The following LRRC28 variants were observed in gnomAD, a reference collection of about 807,000 sequenced individuals.
LRRC28 encodes the protein leucine-rich repeat-containing protein 28.
A neutral mutation model predicts 45.7 loss-of-function variants in LRRC28; 39 were observed. That is an observed-to-expected ratio of 0.85 (90% CI 0.66 to 1.12). The LOEUF (loss-of-function observed/expected upper bound fraction) is 1.12, where lower values mean the gene tolerates loss of function less well. Among genes scored for constraint, LRRC28 ranks in the 50% most tolerant of loss-of-function variants. The probability of loss-of-function intolerance (pLI) is 0.00; values close to 1 mark genes in which losing one functional copy is unlikely to be tolerated. For missense variants in LRRC28, 435 were observed against 438.5 expected (o/e 0.99, Z 0.07); for synonymous variants, 206 against 178.8 (o/e 1.15, Z -1.22).
intron 2 of LRRC28, among the ~76,000 whole-genome samples, chr15:99,271,967 A>T (rs1321598909): frequency 6.6e-6 from 1 of 152,162 alleles, no homozygotes; most frequent in Non-Finnish European, 1.5e-5. Flanking sequence ...GCCAAATCTA[A>T]GATTATGGAG....
chr15:99,308,126 T>C (rs978083817), intron 5 of LRRC28, among the ~76,000 whole-genome samples: 5 of 152,224 alleles, frequency 3.3e-5, no homozygotes, highest in Non-Finnish European at 5.9e-5. Flanking sequence ...TAGTGCTTTA[T>C]AATTTTCACA....
chr15:99,336,753 C>G (rs1397703035), intron 6 of LRRC28, among the ~76,000 whole-genome samples: 1 of 152,202 alleles, frequency 6.6e-6, no homozygotes, highest in Non-Finnish European at 1.5e-5. Flanking sequence ...TTATCTAGGT[C>G]TGTCTTGGTG....
intron 2 of LRRC28, chr15:99,259,624 CA>C (rs2081133459): frequency 6.0e-6 from 9 of 1,493,248 alleles, no homozygotes; most frequent in Admixed American, 1.7e-5. Context: ...ACCAAACGGG[CA>C]AGGGCATCTC....
chr15:99,313,526 T>G (rs1230578840), intron 5 of LRRC28, among the ~76,000 whole-genome samples: 1 of 152,150 alleles, frequency 6.6e-6, no homozygotes, highest in Non-Finnish European at 1.5e-5. Flanking sequence ...TTCTTCAGGA[T>G]AGATCATATA....
At chr15:99,366,144 C>G (rs1372784299) in intron 9 of LRRC28, among the ~76,000 whole-genome samples, 1 of 152,142 alleles carries the variant, frequency 6.6e-6, no homozygotes, top group South Asian at 2.1e-4. Context: ...ACTTAAACAA[C>G]AGAAATTTAT....
At chr15:99,385,033 T>C (rs1597484219) in intron 9 of LRRC28, among the ~76,000 whole-genome samples, 1 of 152,154 alleles carries the variant, frequency 6.6e-6, no homozygotes, top group Non-Finnish European at 1.5e-5. Context: ...TTACCATGCT[T>C]AATCCTTGGG....
intron 5 of LRRC28, among the ~76,000 whole-genome samples, chr15:99,324,482 ACT>A (rs1442745103): frequency 2.0e-5 from 3 of 149,428 alleles, no homozygotes; most frequent in Non-Finnish European, 4.5e-5. Context: ...TCTGTCATTG[ACT>A]CTCTGTGGTC....
Position 99,386,159 on chromosome 15 carries a change from T to G in LRRC28, c.*57T>G. 7.6e-7 allele frequency: 1 copy of G among 1,320,088 alleles called. No individual in the cohort carries two copies. The highest frequency in any genetic ancestry group is 1.4e-5 in the African/African-American group (1 of 69,156). The allele number at this position is 1,320,088 out of a possible 1,614,324, so 81.8% of individuals were successfully genotyped here. A position where few individuals can be genotyped will look rare whatever the true frequency, so the allele number is the denominator to read the frequency against. On this transcript the variant is annotated 3_prime_UTR_variant, in exon 10 of 10. Transcript: ENST00000301981. ...GCTTGACACTGGGGAATCCAGCCAG[T>G]CCAGCACACTCTTCCATCCTGTCCT... is the stretch of plus-strand genomic sequence containing the variant.
At chr15:99,330,192 T>G (rs1956116387) in intron 5 of LRRC28, among the ~76,000 whole-genome samples, 1 of 152,204 alleles carries the variant, frequency 6.6e-6, no homozygotes, top group Non-Finnish European at 1.5e-5. Context: ...TCTTTCAGGA[T>G]TTCAACATTT....
chr15:99,336,950 T>G (rs2152298083), intron 6 of LRRC28, among the ~76,000 whole-genome samples: 1 of 152,356 alleles, frequency 6.6e-6, no homozygotes. Flanking sequence ...CAGAGTCTGA[T>G]CCACAGCCCT....
chr15:99,323,473 T>TG (rs1955870237), intron 5 of LRRC28, among the ~76,000 whole-genome samples: 7 of 152,202 alleles, frequency 4.6e-5, no homozygotes, highest in African/African-American at 1.4e-4. Flanking sequence ...CTTAAGTGTG[T>TG]GGGACATCCT....
chr15:99,283,414 C>A (rs1351261384), intron 3 of LRRC28, among the ~76,000 whole-genome samples: 1 of 149,680 alleles, frequency 6.7e-6, no homozygotes, highest in African/African-American at 2.4e-5. Flanking sequence ...GAGTTTGAGA[C>A]CAGCTGGACC....
intron 5 of LRRC28, among the ~76,000 whole-genome samples, chr15:99,315,037 T>G (rs968904013): frequency 1.3e-5 from 2 of 152,152 alleles, no homozygotes; most frequent in African/African-American, 4.8e-5. Flanking sequence ...TTTATTCTCT[T>G]TACTCCAAAG....
At chr15:99,330,423 A>G (rs1019555471) in intron 5 of LRRC28, among the ~76,000 whole-genome samples, 2 of 152,164 alleles carry the variant, frequency 1.3e-5, no homozygotes, top group Non-Finnish European at 2.9e-5. Flanking sequence ...GGCTCTCGTT[A>G]CATGTCTATA....
intron 5 of LRRC28, among the ~76,000 whole-genome samples, chr15:99,308,653 A>T (rs1342075516): frequency 6.6e-6 from 1 of 152,234 alleles, no homozygotes; most frequent in Non-Finnish European, 1.5e-5. Flanking sequence ...AGCCTGGGCA[A>T]TAGAGTGGGA....
At chr15:99,274,016 C>CT (rs2152166074) in intron 2 of LRRC28, among the ~76,000 whole-genome samples, 1 of 152,290 alleles carries the variant, frequency 6.6e-6, no homozygotes, top group South Asian at 2.1e-4. Context: ...AAAAACAAAA[C>CT]ATTCCAGGGA....
At chr15:99,304,386 T>C (rs946909491) in intron 5 of LRRC28, among the ~76,000 whole-genome samples, 30 of 152,132 alleles carry the variant, frequency 2.0e-4, no homozygotes, top group African/African-American at 3.1e-4. Context: ...GCAAAACTTA[T>C]TTTTCCTTTT....
intron 5 of LRRC28, among the ~76,000 whole-genome samples, chr15:99,296,866 A>G (rs1348702586): frequency 6.6e-6 from 1 of 152,100 alleles, no homozygotes; most frequent in Non-Finnish European, 1.5e-5. Context: ...CAGGAGAGAG[A>G]AGGAAGTATT....
At chr15:99,328,797 G>A (rs1372090482) in intron 5 of LRRC28, among the ~76,000 whole-genome samples, 2 of 150,810 alleles carry the variant, frequency 1.3e-5, no homozygotes, top group African/African-American at 2.5e-5. Flanking sequence ...TTCCAGGTTT[G>A]ACATCCTTTG....
Sources: gnomAD v4.1 joint callset for allele counts (sites outside exome capture counted in the v4.1 genomes callset) on GRCh38, gnomAD v4.1.1 for gene constraint, MANE v1.5 for transcripts, NCBI Gene and HGNC (gene_info 2026-07-23, HGNC 2026-07-21) for gene names.